The following INIP variants were observed in gnomAD, a reference collection of about 807,000 sequenced individuals.
INIP encodes INTS3 and NABP interacting protein, also known as SOSS complex subunit C.
In INIP, 9 loss-of-function variants were observed where a neutral mutation model predicts 14.0. The observed-to-expected ratio is 0.64, with a 90% CI of 0.39 to 1.12. INIP has a LOEUF of 1.12. Ranked by LOEUF, INIP falls within the 50% of genes most tolerant of loss-of-function variation. INIP has a pLI of 0.01. For missense variants in INIP, 78 were observed against 122.7 expected (o/e 0.64, Z 1.72); for synonymous variants, 37 against 41.5 (o/e 0.89, Z 0.41).
chr9:112,689,453 TA>T (rs758269521), intron 4 of INIP, 73 bp downstream of exon 4: 110 of 1,164,566 alleles, frequency 9.4e-5, no homozygotes, highest in Non-Finnish European at 1.4e-4. Flanking sequence ...CACTGAAATA[TA>T]AAATAACTAT....
chr9:112,692,715 T>C (rs776571280), intron 3 of INIP, among the ~76,000 whole-genome samples: 35 of 144,196 alleles, frequency 2.4e-4, no homozygotes, highest in Non-Finnish European at 5.2e-4. Flanking sequence ...ATTGCAGTAA[T>C]AAAAAACCAT....
intron 2 of INIP, among the ~76,000 whole-genome samples, chr9:112,694,850 GA>G: frequency 6.6e-6 from 1 of 152,316 alleles, no homozygotes. Flanking sequence ...GATACAAAGA[GA>G]TATGGCCTTT....
intron 2 of INIP, among the ~76,000 whole-genome samples, chr9:112,696,048 C>G (rs1838080796): frequency 6.6e-6 from 1 of 151,748 alleles, no homozygotes; most frequent in Admixed American, 6.6e-5. Flanking sequence ...CCAGCATGCC[C>G]TACTAATTTT....
intron 4 of INIP, among the ~76,000 whole-genome samples, chr9:112,687,913 G>A (rs573790981): frequency 6.4e-4 from 98 of 151,950 alleles, no homozygotes; most frequent in Middle Eastern, 3.4e-3. Context: ...GTGAAACCCC[G>A]TCTCTACTAA....
intron 2 of INIP, among the ~76,000 whole-genome samples, chr9:112,708,787 C>G (rs1838561214): frequency 6.6e-6 from 1 of 151,866 alleles, no homozygotes; most frequent in South Asian, 2.1e-4. Context: ...GCCTCAACCT[C>G]CCATACTCAA....
At chr9:112,698,419 A>G (rs1363348434) in intron 2 of INIP, among the ~76,000 whole-genome samples, 1 of 152,148 alleles carries the variant, frequency 6.6e-6, no homozygotes, top group Admixed American at 6.5e-5. Flanking sequence ...GCCGCTCTGA[A>G]AACTTCAACT....
chr9:112,711,815 A>G (rs1273386048), intron 2 of INIP, among the ~76,000 whole-genome samples: 1 of 152,212 alleles, frequency 6.6e-6, no homozygotes, highest in East Asian at 1.9e-4. Context: ...ATTCTACGAA[A>G]CTCATGTAAC....
At chr9:112,700,466 A>G (rs1838250280) in intron 2 of INIP, among the ~76,000 whole-genome samples, 1 of 150,540 alleles carries the variant, frequency 6.6e-6, no homozygotes, top group Non-Finnish European at 1.5e-5. Context: ...CTGAATGACA[A>G]TTTCTCTCCC....
intron 2 of INIP, among the ~76,000 whole-genome samples, chr9:112,713,876 C>A (rs1838722640): frequency 1.3e-5 from 2 of 151,614 alleles, no homozygotes; most frequent in Non-Finnish European, 2.9e-5. Context: ...CCCAGCTACT[C>A]AGGAGGCTGA....
At chr9:112,700,026 A>C (rs745734428) in intron 2 of INIP, among the ~76,000 whole-genome samples, 1 of 152,236 alleles carries the variant, frequency 6.6e-6, no homozygotes, top group Non-Finnish European at 1.5e-5. Context: ...TTTAAAAAAT[A>C]ATACACATAA....
Position 112,687,434 on chromosome 9 carries a change from C to CA in INIP, c.*103dup, listed in dbSNP as rs1837714442. 6.0e-6 allele frequency: 4 copies of CA among 668,916 alleles called. No homozygotes were observed. In the South Asian group the frequency reaches 8.8e-5, roughly 15 times the overall value. The allele number at this position is 668,916 out of a possible 1,614,324, so 41.4% of individuals were successfully genotyped here. On this transcript the variant is annotated 3_prime_UTR_variant, in exon 5 of 5. Coordinates refer to ENST00000374242, the MANE Select transcript of INIP (RefSeq NM_021218.3). The stretch of plus-strand genomic sequence containing the variant: ...TTTCTTTCAGACAAACAAAAAATAT[C>CA]AAAGTTCACCAAAATTCTTAAAGTC...
intron 1 of INIP, 49 bp from the exon 2 acceptor site, chr9:112,716,590 AAACT>A: frequency 2.1e-6 from 2 of 953,554 alleles, no homozygotes; most frequent in South Asian, 2.7e-5. Flanking sequence ...TTTTAATCAC[AAACT>A]AAAAGGAACA....
intron 2 of INIP, among the ~76,000 whole-genome samples, chr9:112,707,502 C>T (rs1442924741): frequency 6.6e-6 from 1 of 150,920 alleles, no homozygotes; most frequent in Admixed American, 6.6e-5. Flanking sequence ...TTTTTCCTCC[C>T]GCACATTTCT....
chr9:112,692,000 T>C (rs773647004), intron 3 of INIP, among the ~76,000 whole-genome samples: 2 of 151,284 alleles, frequency 1.3e-5, no homozygotes, highest in Non-Finnish European at 2.9e-5. Flanking sequence ...GCAGAGACCC[T>C]GTCTCAAAAA....
intron 3 of INIP, among the ~76,000 whole-genome samples, chr9:112,693,628 C>A (rs1163625685): frequency 1.3e-5 from 2 of 152,068 alleles, no homozygotes; most frequent in Non-Finnish European, 1.5e-5. Context: ...TACAGAGGTC[C>A]CTCCCAATAA....
intron 3 of INIP, chr9:112,693,887 C>A (rs1415787536): frequency 3.7e-6 from 1 of 273,806 alleles, no homozygotes; most frequent in East Asian, 1.0e-4. Context: ...CCAGCCTAAC[C>A]AACATGGTGA....
Position 112,716,471 on chromosome 9 carries a change from A to G in INIP, c.15T>C (p.Ser5=). 2 of 1,613,804 alleles carry G rather than the reference A, an allele frequency of 1.2e-6. No individual in the cohort carries two copies. Among genetic ancestry groups the G allele is most frequent in the South Asian group, 2.2e-5 (2 of 91,086 alleles). MAAN[S]SGQGFQNKNR... ...TCCTGCTGTCATTACCTTGTCCTGA[A>G]GAGTTTGCTGCCATTTTCCTATTTT... Residue 5 remains serine (S), a synonymous_variant, in exon 2 of 5, where the codon TCT becomes TCC. Transcript: ENST00000374242.
At chr9:112,694,051 G>T in intron 3 of INIP, 80 bp downstream of exon 3, 1 of 900,636 alleles carries the variant, frequency 1.1e-6, no homozygotes, top group South Asian at 1.6e-5. Context: ...CTCCAGCCTG[G>T]GGGACAGGGC....
In INIP at chr9:112,685,832, G is replaced by T. The variant is rs1367522291; in HGVS notation, c.*1706C>A. 6.6e-6 allele frequency: 1 copy of T among 152,126 alleles called. No homozygotes were observed. The highest frequency in any genetic ancestry group is 1.5e-5 in the Non-Finnish European group (1 of 68,034). The allele number at this position is 152,126 out of a possible 1,614,324, so 9.4% of individuals were successfully genotyped here. ...AGGAGCTCTGCGCCGCAGAAGTAAGGCTATCCTCGCTGCAATGGTGACCAT... is the reference window on the plus strand; with the variant it reads ...AGGAGCTCTGCGCCGCAGAAGTAAGTCTATCCTCGCTGCAATGGTGACCAT... On this transcript the variant is annotated 3_prime_UTR_variant, in exon 5 of 5. Coordinates refer to ENST00000374242, the MANE Select transcript of INIP (RefSeq NM_021218.3).
Sources: gnomAD v4.1 joint callset for allele counts (sites outside exome capture counted in the v4.1 genomes callset) on GRCh38, gnomAD v4.1.1 for gene constraint, MANE v1.5 for transcripts, NCBI Gene and HGNC (gene_info 2026-07-23, HGNC 2026-07-21) for gene names.